The following ARHGAP15 variants were observed in gnomAD, a reference collection of about 807,000 sequenced individuals.
ARHGAP15 encodes rho GTPase-activating protein 15.
A neutral mutation model predicts 63.7 loss-of-function variants in ARHGAP15; 51 were observed. The ratio of observed to expected loss-of-function variants is 0.80; its 90% CI spans 0.64 to 1.01. The LOEUF is 1.01. Among genes scored for constraint, ARHGAP15 ranks in the 50% least tolerant of loss-of-function variants. The pLI, the probability that ARHGAP15 is intolerant of heterozygous loss-of-function variation, is 0.00. For missense variants in ARHGAP15, 560 were observed against 564.6 expected (o/e 0.99, Z 0.08); for synonymous variants, 191 against 193.8 (o/e 0.99, Z 0.12).
At chr2:143,385,581 CT>C (rs1687250370) in intron 6 of ARHGAP15, among the ~76,000 whole-genome samples, 1 of 152,014 alleles carries the variant, frequency 6.6e-6, no homozygotes, top group South Asian at 2.1e-4. Flanking sequence ...TATATTTTTT[CT>C]GTACTAAGGA....
At chr2:143,303,442 C>CT (rs1353702753) in intron 6 of ARHGAP15, among the ~76,000 whole-genome samples, 6 of 151,884 alleles carry the variant, frequency 4.0e-5, no homozygotes. Flanking sequence ...GGATCCCTTC[C>CT]TTACACCTTA....
intron 1 of ARHGAP15, among the ~76,000 whole-genome samples, chr2:143,134,632 CTTTTTT>C (rs139259059): frequency 8.4e-5 from 10 of 119,420 alleles, no homozygotes; most frequent in Non-Finnish European, 1.1e-4. Flanking sequence ...TATTCCTTTT[CTTTTTT>C]TTTTTTTTTT....
intron 6 of ARHGAP15, among the ~76,000 whole-genome samples, chr2:143,334,115 C>T (rs956383007): frequency 5.9e-5 from 9 of 152,094 alleles, no homozygotes; most frequent in Admixed American, 5.9e-4. Context: ...TGAAGCTTCC[C>T]CTTGTACATT....
chr2:143,186,304 T>C (rs1691445395), intron 2 of ARHGAP15, among the ~76,000 whole-genome samples: 1 of 152,222 alleles, frequency 6.6e-6, no homozygotes, highest in African/African-American at 2.4e-5. Context: ...AATTTTACTT[T>C]AAAGGTTATT....
intron 9 of ARHGAP15, among the ~76,000 whole-genome samples, chr2:143,496,014 G>C (rs1308971581): frequency 1.3e-5 from 2 of 152,054 alleles, no homozygotes; most frequent in Non-Finnish European, 2.9e-5. Flanking sequence ...CTTCTTTATG[G>C]TTCAAAATTG....
chr2:143,605,913 G>C (rs1297254533), intron 11 of ARHGAP15, among the ~76,000 whole-genome samples: 1 of 144,084 alleles, frequency 6.9e-6, no homozygotes, highest in Non-Finnish European at 1.5e-5. Flanking sequence ...GCGTTTGCCT[G>C]TAGTTCCAGC....
chr2:143,684,752 T>C (rs1445922058), intron 12 of ARHGAP15, among the ~76,000 whole-genome samples: 2 of 152,226 alleles, frequency 1.3e-5, no homozygotes. Context: ...ATTTCGTTTT[T>C]ATAGAGAAAT....
chr2:143,460,358 T>C (rs757492493), intron 8 of ARHGAP15, among the ~76,000 whole-genome samples: 3 of 152,178 alleles, frequency 2.0e-5, no homozygotes, highest in Non-Finnish European at 4.4e-5. Context: ...GACATGTGAC[T>C]ACAATATGTA....
At chr2:143,594,251 C>A (rs1257003248) in intron 11 of ARHGAP15, among the ~76,000 whole-genome samples, 2 of 152,148 alleles carry the variant, frequency 1.3e-5, no homozygotes, top group Admixed American at 6.5e-5. Context: ...CCTTCATAAA[C>A]AAAAATCTTA....
chr2:143,185,367 C>CTTA (rs1691399602), intron 2 of ARHGAP15, among the ~76,000 whole-genome samples: 1 of 152,084 alleles, frequency 6.6e-6, no homozygotes, highest in African/African-American at 2.4e-5. Flanking sequence ...ATACTTTGAA[C>CTTA]TTATCTTGTA....
At chr2:143,716,110 C>T (rs1684799865) in intron 13 of ARHGAP15, among the ~76,000 whole-genome samples, 1 of 152,128 alleles carries the variant, frequency 6.6e-6, no homozygotes, top group African/African-American at 2.4e-5. Context: ...TGCAGCAAAC[C>T]ACCATGGCAC....
At chr2:143,261,748 T>A (rs962011359) in intron 6 of ARHGAP15, among the ~76,000 whole-genome samples, 1 of 152,044 alleles carries the variant, frequency 6.6e-6, no homozygotes, top group Admixed American at 6.5e-5. Context: ...GAAAGAAAAA[T>A]TTGAGACTAG....
chr2:143,724,051 A>ATGTGTG (rs70982882), intron 13 of ARHGAP15, among the ~76,000 whole-genome samples: 41,994 of 149,806 alleles, frequency 0.28, 6,932 homozygotes, highest in Middle Eastern at 0.38. Context: ...ATCCACCTTC[A>ATGTGTG]TGTGTGTGTG....
intron 8 of ARHGAP15, among the ~76,000 whole-genome samples, chr2:143,450,153 CTTT>C (rs557420934): frequency 6.6e-5 from 6 of 91,334 alleles, no homozygotes; most frequent in Admixed American, 1.2e-4. Context: ...AGGTTTCATG[CTTT>C]TTTTTTTTTT....
At chr2:143,167,339 G>A (rs971366311) in intron 2 of ARHGAP15, among the ~76,000 whole-genome samples, 7 of 151,912 alleles carry the variant, frequency 4.6e-5, no homozygotes, top group Admixed American at 3.3e-4. Flanking sequence ...TTTTACTAAC[G>A]TGCACCCCAT....
intron 6 of ARHGAP15, among the ~76,000 whole-genome samples, chr2:143,317,112 G>A (rs1683756611): frequency 6.6e-6 from 1 of 152,002 alleles, no homozygotes; most frequent in South Asian, 2.1e-4. Flanking sequence ...CTCTTTGTAA[G>A]CAATTGTGTC....
chr2:143,413,966 T>TGTGCGCGC, intron 6 of ARHGAP15, among the ~76,000 whole-genome samples: 90 of 117,922 alleles, frequency 7.6e-4, no homozygotes, highest in African/African-American at 1.5e-3. Context: ...TGTGTGTGTG[T>TGTGCGCGC]GCGCGCTCTC....
intron 10 of ARHGAP15, among the ~76,000 whole-genome samples, chr2:143,555,747 C>T (rs1282909653): frequency 1.3e-5 from 2 of 152,004 alleles, no homozygotes; most frequent in African/African-American, 2.4e-5. Flanking sequence ...ACCTCATTAC[C>T]TATAATACAC....
At chr2:143,337,724 G>C (rs1218096161) in intron 6 of ARHGAP15, among the ~76,000 whole-genome samples, 1 of 151,972 alleles carries the variant, frequency 6.6e-6, no homozygotes, top group Non-Finnish European at 1.5e-5. Flanking sequence ...GCAATGACTG[G>C]CAAAATATCA....
Sources: allele counts gnomAD v4.1 joint callset (sites outside exome capture counted in the v4.1 genomes callset), GRCh38; gene constraint gnomAD v4.1.1; transcripts MANE v1.5; gene names NCBI Gene and HGNC (gene_info 2026-07-23, HGNC 2026-07-21).